STAT1: variants seen among roughly 807,000 people sequenced by gnomAD.
STAT1 encodes signal transducer and activator of transcription 1.
In STAT1, 24 loss-of-function variants were observed where a neutral mutation model predicts 111.7. That is an observed-to-expected ratio of 0.21 (90% CI 0.16 to 0.30). The LOEUF is 0.30. STAT1 is among the 10% of genes least tolerant of loss of function. The pLI is 1.00. For missense variants in STAT1, 351 were observed against 911.9 expected, an observed-to-expected ratio of 0.38 and a Z score of 7.92; for synonymous variants, 332 against 326.5, an observed-to-expected ratio of 1.02 and a Z score of -0.18.
Position 190,977,837 on chromosome 2 carries a change from T to C in STAT1, c.1874-812A>G, listed in dbSNP as rs1184954783. On this transcript the variant is annotated intron_variant, in intron 21 of 24. Transcript: ENST00000361099. The surrounding 1 kb of genome is among the most constrained non-coding windows in gnomAD (Gnocchi z 4.7). Reference sequence around the variant, plus strand: ...ATAAGAGGAAAAGGGCAGGTTCTAATGACTACTGCCCACGCCAGACTCTCA... The same window carrying C: ...ATAAGAGGAAAAGGGCAGGTTCTAACGACTACTGCCCACGCCAGACTCTCA... Among the ~76,000 whole-genome samples, 1 of 152,230 alleles carries C rather than the reference T, an allele frequency of 6.6e-6. No individual in the cohort carries two copies. The highest frequency in any genetic ancestry group is 2.4e-5 in the African/African-American group (1 of 41,456).
Position 191,001,046 on chromosome 2 carries a change from T to A in STAT1, c.462+28A>T, listed in dbSNP as rs369120587. ...TTTTCCCCTACAGAAAGTTTCAGAA[T>A]AAATGCATGTGTTTACTCAATACTC... On this transcript the variant is annotated intron_variant, in intron 6 of 24. Coordinates refer to ENST00000361099, the MANE Select transcript of STAT1 (RefSeq NM_007315.4). 7.7e-6 allele frequency: 12 copies of A among 1,551,902 alleles called. No homozygotes were observed. The African/African-American group carries it at 1.6e-4, about 21-fold the overall frequency.
rs1395703101 is a variant in STAT1, at chr2:190,975,260, C to G, written c.2136-328G>C. ...GAGATGACAATGCCTCGTGGCTTAC[C>G]CTGGACAGAAAAGCACCAGAGAAAT... On this transcript the variant is annotated intron_variant, in intron 23 of 24. Coordinates refer to ENST00000361099, the MANE Select transcript of STAT1 (RefSeq NM_007315.4). The surrounding 1 kb of genome is among the most constrained non-coding windows in gnomAD (Gnocchi z 5.9). 1 of 467,072 alleles carries G rather than the reference C, an allele frequency of 2.1e-6. No homozygotes were observed. Among genetic ancestry groups the G allele is most frequent in the Non-Finnish European group, 4.3e-6 (1 of 231,068 alleles). The allele number at this position is 467,072 out of a possible 1,614,324, so 28.9% of individuals were successfully genotyped here. A position where few individuals can be genotyped will look rare whatever the true frequency, so the allele number is the denominator to read the frequency against.
At chr2:190,994,999 G>C (rs557797300) in intron 10 of STAT1, 62 bp downstream of exon 10, 23 of 1,429,644 alleles carry the variant, frequency 1.6e-5, no homozygotes, top group Non-Finnish European at 2.2e-5. Context: ...CTGAATTAAC[G>C]GTAAAATGTT....
rs1301724881 is a variant in STAT1, at chr2:191,007,145, C to T, written c.372+418G>A. 6.6e-6 allele frequency among the ~76,000 whole-genome samples: 1 copy of T among 152,212 alleles called. No individual in the cohort carries two copies. Among genetic ancestry groups the T allele is most frequent in the East Asian group, 1.9e-4 (1 of 5,198 alleles). On this transcript the variant is annotated intron_variant, in intron 5 of 24. Coordinates refer to ENST00000361099, the MANE Select transcript of STAT1 (RefSeq NM_007315.4). The surrounding 1 kb of genome is among the most constrained non-coding windows in gnomAD (Gnocchi z 4.2). ...ATCTGTCCACCTCTTCCTACCTCCACTGATTCTACTGAGCGCAAGCTTCCA... is the reference window on the plus strand; with the variant it reads ...ATCTGTCCACCTCTTCCTACCTCCATTGATTCTACTGAGCGCAAGCTTCCA...
rs1691694347 is a variant in STAT1 at position 190,973,904 on chromosome 2, C to T, written c.2238+926G>A. Among the ~76,000 whole-genome samples, 1 of 152,122 alleles carries T rather than the reference C, an allele frequency of 6.6e-6. No homozygotes were observed. The highest frequency in any genetic ancestry group is 1.5e-5 in the Non-Finnish European group (1 of 68,030). On this transcript the variant is annotated intron_variant, in intron 24 of 24. Transcript: ENST00000361099. The surrounding 1 kb of genome is among the most constrained non-coding windows in gnomAD (Gnocchi z 4.4). Reference sequence around the variant, plus strand: ...CTTACTGAGGCCTTATCATCGCATTCCCCAAATGTCTGAAGAGTGACGCCC... The same window carrying T: ...CTTACTGAGGCCTTATCATCGCATTTCCCAAATGTCTGAAGAGTGACGCCC...
At chr2:191,013,127 G>T (rs1390307481) in intron 2 of STAT1, among the ~76,000 whole-genome samples, 1 of 152,190 alleles carries the variant, frequency 6.6e-6, no homozygotes, top group Non-Finnish European at 1.5e-5. Context: ...TTGTTGAATT[G>T]AAATTATGTA....
chr2:190,970,835 C>G lies in STAT1; in HGVS notation c.2239-118G>C. On this transcript the variant is annotated intron_variant, in intron 24 of 24. Transcript: ENST00000361099. This position sits in a 1 kb window ranked among gnomAD's most constrained non-coding sequence, Gnocchi z 5.4. ...AGTAGTAGGAAGATACTTGCAATGG[C>G]AAATAAATACCGTGGAATAAGAGGG... is the stretch of plus-strand genomic sequence containing the variant. 1 of 962,986 alleles carries G rather than the reference C, an allele frequency of 1.0e-6. No individual in the cohort carries two copies. Among genetic ancestry groups the G allele is most frequent in the Non-Finnish European group, 1.6e-6 (1 of 607,194 alleles). The allele number at this position is 962,986 out of a possible 1,614,324, so 59.7% of individuals were successfully genotyped here.
chr2:190,992,793 C>CTT (rs112075173), intron 10 of STAT1: 701 of 375,294 alleles, frequency 1.9e-3, no homozygotes, highest in South Asian at 3.5e-3. Flanking sequence ...TGCATTCTTT[C>CTT]TTTTTTTTTT....
intron 10 of STAT1, 141 bp downstream of exon 10, chr2:190,994,920 A>G (rs1302056737): frequency 1.1e-5 from 1 of 90,962 alleles, no homozygotes; most frequent in Non-Finnish European, 1.9e-5. Flanking sequence ...ATCTCAAAAA[A>G]AAAAAAAATA....
In STAT1 at chr2:190,971,337, G is replaced by A. The variant is rs1691446841; in HGVS notation, c.2239-620C>T. ...CCCCTTAGACCAGATGCTTTCAATCGAGGATGATTCTGTCCCCTGGCAATG... is the reference window on the plus strand; with the variant it reads ...CCCCTTAGACCAGATGCTTTCAATCAAGGATGATTCTGTCCCCTGGCAATG... On this transcript the variant is annotated intron_variant, in intron 24 of 24. Coordinates refer to ENST00000361099, the MANE Select transcript of STAT1 (RefSeq NM_007315.4). The surrounding 1 kb of genome is among the most constrained non-coding windows in gnomAD (Gnocchi z 4.1). 6.6e-6 allele frequency among the ~76,000 whole-genome samples: 1 copy of A among 152,142 alleles called. No homozygotes were observed. The highest frequency in any genetic ancestry group is 1.5e-5 in the Non-Finnish European group (1 of 68,030).
chr2:191,007,977 TC>T lies in STAT1; in HGVS notation c.274-317del, dbSNP rs565644963. On this transcript the variant is annotated intron_variant, in intron 4 of 24. Coordinates refer to ENST00000361099, the MANE Select transcript of STAT1 (RefSeq NM_007315.4). This position sits in a 1 kb window ranked among gnomAD's most constrained non-coding sequence, Gnocchi z 4.2. ...TAAGGCCAATTATCTTTGGTTAGGA[TC>T]CCGAGACAATGCAAATGATATAAAA... 4 of 480,426 alleles carry T rather than the reference TC, an allele frequency of 8.3e-6. No homozygotes were observed. The highest frequency in any genetic ancestry group is 1.6e-5 in the Non-Finnish European group (4 of 244,790). 29.8% of individuals were successfully genotyped at this position (480,426 alleles called of 1,614,324 possible). A position where few individuals can be genotyped will look rare whatever the true frequency, so the allele number is the denominator to read the frequency against.
Position 190,999,499 on chromosome 2 carries a change from G to A in STAT1, c.541+127C>T. On this transcript the variant is annotated intron_variant, in intron 7 of 24. Transcript: ENST00000361099. This position sits in a 1 kb window ranked among gnomAD's most constrained non-coding sequence, Gnocchi z 4.1. Reference sequence around the variant, plus strand: ...ATTGGATGTTGAGAAGCCCTGGCCTGGGTTATCAAGGAAGAATTCAGAGTC... The same window carrying A: ...ATTGGATGTTGAGAAGCCCTGGCCTAGGTTATCAAGGAAGAATTCAGAGTC... 1 of 738,216 alleles carries A rather than the reference G, an allele frequency of 1.4e-6. No individual in the cohort carries two copies. Among genetic ancestry groups the A allele is most frequent in the Non-Finnish European group, 2.4e-6 (1 of 409,966 alleles). The allele number at this position is 738,216 out of a possible 1,614,324, so 45.7% of individuals were successfully genotyped here.
chr2:191,009,121 C>T lies in STAT1; in HGVS notation c.129-14G>A. ...GCAGCGTGCTCCCTAGGAGATTTAACATTTACACATTTCATTCTAGAACTA... is the reference window on the plus strand; with the variant it reads ...GCAGCGTGCTCCCTAGGAGATTTAATATTTACACATTTCATTCTAGAACTA... On this transcript the variant is annotated splice_polypyrimidine_tract_variant and intron_variant, in intron 3 of 24. Coordinates refer to ENST00000361099, the MANE Select transcript of STAT1 (RefSeq NM_007315.4). 1 of 1,613,926 alleles carries T rather than the reference C, an allele frequency of 6.2e-7. No individual in the cohort carries two copies. Among genetic ancestry groups the T allele is most frequent in the Non-Finnish European group, 8.5e-7 (1 of 1,179,838 alleles).
Position 190,989,889 on chromosome 2 carries a change from G to T in STAT1, c.1038-215C>A, listed in dbSNP as rs906538736. On this transcript the variant is annotated intron_variant, in intron 11 of 24. Coordinates refer to ENST00000361099, the MANE Select transcript of STAT1 (RefSeq NM_007315.4). The surrounding 1 kb of genome is among the most constrained non-coding windows in gnomAD (Gnocchi z 5.0). ...GCTGTGGAACCGCTTAGGAAAAATT[G>T]TAACACTAATTCTGACAGGATGCCG... Among the ~76,000 whole-genome samples the T allele has an allele frequency of 6.6e-6, 1 of 152,178 alleles. No homozygotes were observed. Among genetic ancestry groups the T allele is most frequent in the Non-Finnish European group, 1.5e-5 (1 of 68,032 alleles).
chr2:190,978,618 G>A lies in STAT1; in HGVS notation c.1873+238C>T, dbSNP rs1692095248. On this transcript the variant is annotated intron_variant, in intron 21 of 24. Coordinates refer to ENST00000361099, the MANE Select transcript of STAT1 (RefSeq NM_007315.4). The surrounding 1 kb of genome is among the most constrained non-coding windows in gnomAD (Gnocchi z 6.1). ...TGCAGATAACAAACCTGATGCAAAG[G>A]AAAGAATTGGCATTGTCTTTTCAAA... The A allele has an allele frequency of 5.1e-6, 3 of 584,186 alleles. No individual in the cohort carries two copies. Among genetic ancestry groups the A allele is most frequent in the Non-Finnish European group, 9.2e-6 (3 of 325,142 alleles). The allele number at this position is 584,186 out of a possible 1,614,324, so 36.2% of individuals were successfully genotyped here.
chr2:191,007,988 T>C lies in STAT1; in HGVS notation c.274-327A>G, dbSNP rs1190707116. ...ATCTTTGGTTAGGATCCCGAGACAATGCAAATGATATAAAAACTATACATG... is the reference window on the plus strand; with the variant it reads ...ATCTTTGGTTAGGATCCCGAGACAACGCAAATGATATAAAAACTATACATG... On this transcript the variant is annotated intron_variant, in intron 4 of 24. Transcript: ENST00000361099. The surrounding 1 kb of genome is among the most constrained non-coding windows in gnomAD (Gnocchi z 4.2). 4.2e-6 allele frequency: 2 copies of C among 472,936 alleles called. No individual in the cohort carries two copies. The highest frequency in any genetic ancestry group is 1.6e-5 in the South Asian group (1 of 64,342). The allele number at this position is 472,936 out of a possible 1,614,324, so 29.3% of individuals were successfully genotyped here. A position where few individuals can be genotyped will look rare whatever the true frequency, so the allele number is the denominator to read the frequency against.
chr2:191,008,838 GAGTT>G (rs1694907575), intron 4 of STAT1, 121 bp downstream of exon 4: 1 of 959,938 alleles, frequency 1.0e-6, no homozygotes, highest in Non-Finnish European at 1.6e-6. Flanking sequence ...AACATAAATG[GAGTT>G]AGTCTCTATT....
Position 190,981,274 on chromosome 2 carries a change from C to A in STAT1, c.1583-605G>T, listed in dbSNP as rs1290293045. 6.6e-6 allele frequency among the ~76,000 whole-genome samples: 1 copy of A among 152,162 alleles called. No individual in the cohort carries two copies. Among genetic ancestry groups the A allele is most frequent in the Non-Finnish European group, 1.5e-5 (1 of 68,032 alleles). On this transcript the variant is annotated intron_variant, in intron 18 of 24. Transcript: ENST00000361099. This position sits in a 1 kb window ranked among gnomAD's most constrained non-coding sequence, Gnocchi z 4.1. ...GTGCCCAAGATCACCCCTAGATCTT[C>A]AATGTAACTGATACTTGACTTTACA... is the stretch of plus-strand genomic sequence containing the variant.
At position 190,974,986 on chromosome 2, in the gene STAT1, T is replaced by A; in HGVS notation, c.2136-54A>T. ...GTCAACATCTGAGTGATGAAAGCACTAGTGCATACTTACACACTTTATCTT... is the reference window on the plus strand; with the variant it reads ...GTCAACATCTGAGTGATGAAAGCACAAGTGCATACTTACACACTTTATCTT... On this transcript the variant is annotated intron_variant, in intron 23 of 24. Coordinates refer to ENST00000361099, the MANE Select transcript of STAT1 (RefSeq NM_007315.4). The surrounding 1 kb of genome is among the most constrained non-coding windows in gnomAD (Gnocchi z 4.8). 1 of 1,258,712 alleles carries A rather than the reference T, an allele frequency of 7.9e-7. No homozygotes were observed. Among genetic ancestry groups the A allele is most frequent in the Non-Finnish European group, 1.2e-6 (1 of 861,446 alleles). 78.0% of individuals were successfully genotyped at this position (1,258,712 alleles called of 1,614,324 possible). A position where few individuals can be genotyped will look rare whatever the true frequency, so the allele number is the denominator to read the frequency against.
Sources: allele counts gnomAD v4.1 joint callset (sites outside exome capture counted in the v4.1 genomes callset), GRCh38; gene constraint gnomAD v4.1.1; non-coding constraint Gnocchi (gnomAD v3.1); transcripts MANE v1.5; gene names NCBI Gene and HGNC (gene_info 2026-07-23, HGNC 2026-07-21).